Variants in LPA observed in about 807,000 individuals in gnomAD.
LPA encodes the protein apolipoprotein(a).
LPA carries 199 observed loss-of-function variants against 197.9 expected under a neutral mutation model. That is an observed-to-expected ratio of 1.01 (90% CI 0.90 to 1.13). The LOEUF is 1.13. Among genes scored for constraint, LPA ranks in the 50% most tolerant of loss-of-function variants. The pLI, the probability that LPA is intolerant of heterozygous loss-of-function variation, is 0.00. For synonymous variants in LPA, 715 were observed against 639.5 expected (o/e 1.12, Z -1.78); for missense variants, 1,853 against 1,785.8 (o/e 1.04, Z -0.68).
At position 160,557,554 on chromosome 6, in the gene LPA, T is replaced by C. The variant is rs754330108; in HGVS notation, c.4649A>G (p.Tyr1550Cys). 5 of 1,614,048 alleles carry C rather than the reference T, an allele frequency of 3.1e-6. No homozygotes were observed. The highest frequency in any genetic ancestry group is 4.2e-6 in the Non-Finnish European group (5 of 1,180,000). ...TTTCCCAGAATCTGGATTCCTGCAG[T>C]AGTTCTCGGTCAGGCCACTGCAAAT... ...NYPNAGLTEN[Y>C]CRNPDSGKQP... Residue 1550 changes from tyrosine (Y) to cysteine (C), a missense_variant, in exon 29 of 39, where the codon TAC becomes TGC. Transcript: ENST00000316300.
At chr6:160,607,372 C>A (rs1779380145) in intron 16 of LPA, among the ~76,000 whole-genome samples, 1 of 152,128 alleles carries the variant, frequency 6.6e-6, no homozygotes, top group Non-Finnish European at 1.5e-5. Flanking sequence ...AGGACCTTCT[C>A]TCCTGCTCTC....
chr6:160,647,039 T>C (rs2115093672), intron 2 of LPA, among the ~76,000 whole-genome samples: 1 of 152,314 alleles, frequency 6.6e-6, no homozygotes, highest in East Asian at 1.9e-4. Context: ...TCTGCAAGAC[T>C]TCTCAAAGCT....
chr6:160,555,455 A>ATATATATATATATGTG (rs1287454419), intron 30 of LPA, among the ~76,000 whole-genome samples: 1 of 133,080 alleles, frequency 7.5e-6, no homozygotes, highest in Non-Finnish European at 1.6e-5. Context: ...ATATATATAT[A>ATATATATATATATGTG]TGTGTGTGTA....
At chr6:160,593,832 A>T in intron 22 of LPA, 126 bp downstream of exon 22, 1 of 1,211,486 alleles carries the variant, frequency 8.3e-7, no homozygotes, top group South Asian at 1.2e-5. Flanking sequence ...AAGAAGCCTG[A>T]GACATTCTAC....
chr6:160,597,151 T>G (rs142824194), intron 20 of LPA, among the ~76,000 whole-genome samples: 1 of 152,312 alleles, frequency 6.6e-6, no homozygotes, highest in Non-Finnish European at 1.5e-5. Context: ...ACTCGGTAGT[T>G]CGGTATAATG....
intron 28 of LPA, among the ~76,000 whole-genome samples, chr6:160,560,922 G>GT (rs1270681644): frequency 2.0e-4 from 30 of 151,804 alleles, no homozygotes; most frequent in East Asian, 3.9e-4. Flanking sequence ...TTTTGTTTTT[G>GT]TTTTTTTGAT....
intron 28 of LPA, among the ~76,000 whole-genome samples, chr6:160,565,012 C>T (rs1583581970): frequency 6.6e-6 from 1 of 152,148 alleles, no homozygotes; most frequent in African/African-American, 2.4e-5. Context: ...AGTAGGTAAA[C>T]AAAGCGACCA....
chr6:160,589,424 T>G (rs1335303231), intron 24 of LPA, 129 bp downstream of exon 24: 2 of 1,111,322 alleles, frequency 1.8e-6, no homozygotes, highest in Admixed American at 1.9e-5. Context: ...GCAAGAAGCC[T>G]GAGACATTCT....
At chr6:160,589,465 G>A in intron 24 of LPA, 88 bp downstream of exon 24, 1 of 1,490,344 alleles carries the variant, frequency 6.7e-7, no homozygotes, top group South Asian at 1.1e-5. Context: ...GAGAAATTGG[G>A]TCATAAGAAG....
chr6:160,635,460 C>T (rs1213297582), intron 6 of LPA, among the ~76,000 whole-genome samples, 156 bp from the exon 7 acceptor site: 32 of 95,656 alleles, frequency 3.3e-4, no homozygotes, highest in African/African-American at 1.1e-4. Flanking sequence ...AAATGGCTCT[C>T]GATCACTAAT....
At chr6:160,606,788 G>T in intron 16 of LPA, 130 bp from the exon 17 acceptor site, 1 of 1,400,668 alleles carries the variant, frequency 7.1e-7, no homozygotes, top group Non-Finnish European at 1.0e-6. Context: ...AGTACCATAT[G>T]ATTGCCACAA....
intron 28 of LPA, among the ~76,000 whole-genome samples, chr6:160,573,499 C>T (rs1300951750): frequency 6.6e-6 from 1 of 151,986 alleles, no homozygotes; most frequent in Non-Finnish European, 1.5e-5. Flanking sequence ...TGTGATGAGC[C>T]TTGTTTTGTC....
chr6:160,577,309 A>G lies in LPA; in HGVS notation c.4472-14T>C. 6.2e-7 allele frequency: 1 copy of G among 1,612,780 alleles called. No homozygotes were observed. The highest frequency in any genetic ancestry group is 8.5e-7 in the Non-Finnish European group (1 of 1,178,916). On this transcript the variant is annotated splice_polypyrimidine_tract_variant and intron_variant, in intron 27 of 38. Coordinates refer to ENST00000316300, the MANE Select transcript of LPA (RefSeq NM_005577.4). ...TCTCAGGTGGTGCTGAAATTAAAAT[A>G]AAATAAATCATACTCAGTAATTGCA...
intron 23 of LPA, 137 bp downstream of exon 23, chr6:160,590,807 G>T (rs934081973): frequency 1.6e-6 from 2 of 1,222,286 alleles, no homozygotes; most frequent in Non-Finnish European, 2.3e-6. Flanking sequence ...AGGCGCTGAG[G>T]CTTCCTTCCC....
chr6:160,548,200 C>G (rs188736747), intron 31 of LPA, among the ~76,000 whole-genome samples: 5 of 152,244 alleles, frequency 3.3e-5, no homozygotes, highest in Admixed American at 1.3e-4. Flanking sequence ...TGAAATAACC[C>G]ATTTTAGAAT....
At chr6:160,573,359 A>G (rs1186891581) in intron 28 of LPA, among the ~76,000 whole-genome samples, 2 of 136,048 alleles carry the variant, frequency 1.5e-5, no homozygotes, top group East Asian at 4.3e-4. Context: ...TTTTTTTTGG[A>G]TTTCCTTGCA....
Position 160,594,074 on chromosome 6 carries a change from A to G in LPA, c.3513T>C (p.Gly1171=), listed in dbSNP as rs1370860698. The G allele has an allele frequency of 6.2e-7, 1 of 1,613,828 alleles. No individual in the cohort carries two copies. The highest frequency in any genetic ancestry group is 2.2e-5 in the East Asian group (1 of 44,870). ...ATGAGCCTCGATAACTCTGTCCATC[A>G]CCATGGTAGCAATCCTGGACCCCGG... The part of the protein sequence containing the change: ...QSPGVQDCYH[G]DGQSYRGSFS... The change falls in exon 22 of 39, where the codon GGT becomes GGC. Residue 1171 remains glycine, a synonymous_variant. Coordinates refer to ENST00000316300, the MANE Select transcript of LPA (RefSeq NM_005577.4).
At chr6:160,592,925 A>T (rs993075345) in intron 22 of LPA, among the ~76,000 whole-genome samples, 5 of 152,194 alleles carry the variant, frequency 3.3e-5, no homozygotes, top group Non-Finnish European at 7.3e-5. Flanking sequence ...TAGCATCTCC[A>T]TTGAGCTCAC....
At chr6:160,569,122 G>GA (rs1212416404) in intron 28 of LPA, among the ~76,000 whole-genome samples, 1 of 152,204 alleles carries the variant, frequency 6.6e-6, no homozygotes, top group South Asian at 2.1e-4. Context: ...CACAGAATTG[G>GA]AAAAAACTAC....
Sources: allele counts gnomAD v4.1 joint callset (sites outside exome capture counted in the v4.1 genomes callset), GRCh38; gene constraint gnomAD v4.1.1; transcripts MANE v1.5; gene names NCBI Gene and HGNC (gene_info 2026-07-23, HGNC 2026-07-21).